Variants in FREM2 observed in about 807,000 individuals in gnomAD.
FREM2 encodes the protein FRAS1-related extracellular matrix protein 2.
FREM2 carries 119 observed loss-of-function variants against 219.9 expected under a neutral mutation model. That is an observed-to-expected ratio of 0.54 (90% CI 0.47 to 0.63). FREM2 has a LOEUF of 0.63. FREM2 is among the 30% of genes least tolerant of loss of function. The pLI, the probability that FREM2 is intolerant of heterozygous loss-of-function variation, is 0.00. For synonymous variants in FREM2, 1,562 were observed against 1,522.8 expected (o/e 1.03, Z -0.60); for missense variants, 4,030 against 3,993.6 (o/e 1.01, Z -0.25).
intron 1 of FREM2, among the ~76,000 whole-genome samples, chr13:38,694,397 C>T (rs1258755952): frequency 6.6e-6 from 1 of 152,126 alleles, no homozygotes; most frequent in Non-Finnish European, 1.5e-5. Context: ...TCAAACAAGT[C>T]AAGGCTAGAC....
chr13:38,759,861 C>T (rs536265537), intron 2 of FREM2, among the ~76,000 whole-genome samples: 2 of 152,144 alleles, frequency 1.3e-5, no homozygotes. Flanking sequence ...GAGGAGTTTA[C>T]GTGATAGGTA....
At position 38,878,729 on chromosome 13, in the gene FREM2, TA is replaced by T. The variant is rs1444129541; in HGVS notation, c.8860-101del. The T allele has an allele frequency of 2.5e-6, 3 of 1,180,172 alleles. No homozygotes were observed. The East Asian group carries it at 7.0e-5, about 28-fold the overall frequency. The allele number at this position is 1,180,172 out of a possible 1,614,324, so 73.1% of individuals were successfully genotyped here. A position where few individuals can be genotyped will look rare whatever the true frequency, so the allele number is the denominator to read the frequency against. On this transcript the variant is annotated intron_variant, in intron 22 of 23. Transcript: ENST00000280481. ...TTTAGTAAACCAAATGGTGACATTT[TA>T]TAGTAATTTGTACTTGCACAAAACA...
chr13:38,787,400 A>G (rs1422800810), intron 6 of FREM2, among the ~76,000 whole-genome samples: 1 of 152,124 alleles, frequency 6.6e-6, no homozygotes, highest in African/African-American at 2.4e-5. Flanking sequence ...AGATTATAAT[A>G]AACTTCTCAC....
At chr13:38,701,912 G>T (rs2138084057) in intron 2 of FREM2, among the ~76,000 whole-genome samples, 1 of 152,192 alleles carries the variant, frequency 6.6e-6, no homozygotes, top group Non-Finnish European at 1.5e-5. Flanking sequence ...ATCAAAAAAG[G>T]TATCATTAAT....
intron 2 of FREM2, among the ~76,000 whole-genome samples, chr13:38,713,656 C>T (rs1447387126): frequency 6.6e-6 from 1 of 152,202 alleles, no homozygotes; most frequent in East Asian, 1.9e-4. Flanking sequence ...GCTTATTTCA[C>T]AAGACAACCT....
chr13:38,813,479 T>TG (rs1875581638), intron 6 of FREM2, among the ~76,000 whole-genome samples: 2 of 10,422 alleles, frequency 1.9e-4, no homozygotes, highest in Non-Finnish European at 4.1e-4. Flanking sequence ...TCTCTCTCTC[T>TG]CTCTCTCTCT....
intron 6 of FREM2, among the ~76,000 whole-genome samples, chr13:38,829,104 T>C (rs1593432730): frequency 6.6e-6 from 1 of 152,146 alleles, no homozygotes; most frequent in East Asian, 1.9e-4. Context: ...GCTGTCATAA[T>C]CCCTAATTTT....
chr13:38,805,032 T>C (rs1391992640), intron 6 of FREM2, among the ~76,000 whole-genome samples: 2 of 152,130 alleles, frequency 1.3e-5, no homozygotes, highest in African/African-American at 4.8e-5. Flanking sequence ...GGCATGTTTT[T>C]TGAGTAACAA....
chr13:38,877,992 C>A (rs1038241817), intron 21 of FREM2, 142 bp from the exon 22 acceptor site: 37 of 736,660 alleles, frequency 5.0e-5, no homozygotes, highest in Admixed American at 1.0e-4. Context: ...GAAGCTCATG[C>A]AAACAGGCCT....
intron 6 of FREM2, among the ~76,000 whole-genome samples, chr13:38,822,323 C>CTTGT (rs1006996574): frequency 2.0e-5 from 3 of 150,414 alleles, no homozygotes; most frequent in African/African-American, 7.3e-5. Context: ...GTCAAAATGC[C>CTTGT]AACAAGGAGC....
chr13:38,784,790 G>T lies in FREM2; in HGVS notation c.6001G>T (p.Val2001Phe). Residue 2001 changes from valine to phenylalanine, a missense_variant, in exon 6 of 24, where the codon GTT becomes TTT. Val to Phe is a conservative substitution (Grantham distance 50). Transcript: ENST00000280481. ...GTTCCCAGGGGCTCAAGTTACAATCGTTCCTGACAAAGATGATGGTGAGTA... is the reference window on the plus strand; with the variant it reads ...GTTCCCAGGGGCTCAAGTTACAATCTTTCCTGACAAAGATGATGGTGAGTA... ...SEFPGAQVTI[V>F]PDKDDEPIFY... 1 of 1,614,114 alleles carries T rather than the reference G, an allele frequency of 6.2e-7. No individual in the cohort carries two copies. Among genetic ancestry groups the T allele is most frequent in the East Asian group, 2.2e-5 (1 of 44,864 alleles).
intron 2 of FREM2, among the ~76,000 whole-genome samples, chr13:38,751,545 C>A (rs970431910): frequency 2.6e-5 from 4 of 152,146 alleles, no homozygotes; most frequent in Non-Finnish European, 4.4e-5. Context: ...TCCACAGACC[C>A]TTGTGCCAAG....
At position 38,886,398 on chromosome 13, in the gene FREM2, A is replaced by T. The variant is rs1416713182; in HGVS notation, c.*5611A>T. The T allele has an allele frequency of 1.3e-5, 1 of 75,312 alleles. No homozygotes were observed. Among genetic ancestry groups the T allele is most frequent in the Non-Finnish European group, 2.5e-5 (1 of 39,334 alleles). The allele number at this position is 75,312 out of a possible 1,614,324, so 4.7% of individuals were successfully genotyped here. On this transcript the variant is annotated 3_prime_UTR_variant, in exon 24 of 24. Transcript: ENST00000280481. The stretch of plus-strand genomic sequence containing the variant: ...TACATATATATATAGAGAGAGAGAG[A>T]TAGATTTTTTTTTTTTGAGACAGAG...
intron 2 of FREM2, among the ~76,000 whole-genome samples, chr13:38,753,973 T>TTTTTATTTTATTTTATTTTA (rs10661426): frequency 0.074 from 10,932 of 148,352 alleles, 490 homozygotes; most frequent in South Asian, 0.15. Flanking sequence ...TTTATTTTAT[T>TTTTTATTTTATTTTATTTTA]TTTTATTTTA....
chr13:38,817,301 C>A (rs1334554644), intron 6 of FREM2, among the ~76,000 whole-genome samples: 1 of 152,080 alleles, frequency 6.6e-6, no homozygotes, highest in African/African-American at 2.4e-5. Flanking sequence ...TACTACCTCA[C>A]TTCAAAATAT....
At chr13:38,762,374 C>T (rs1270794653) in intron 2 of FREM2, among the ~76,000 whole-genome samples, 1 of 152,122 alleles carries the variant, frequency 6.6e-6, no homozygotes, top group Non-Finnish European at 1.5e-5. Flanking sequence ...TAGTAAGTTT[C>T]ATCAGCGCAA....
chr13:38,858,964 G>A (rs78582891), intron 13 of FREM2, among the ~76,000 whole-genome samples: 2,830 of 136,676 alleles, frequency 0.021, 31 homozygotes, highest in South Asian at 0.051. Context: ...CTGGATAAGG[G>A]GGGTAAGATG....
chr13:38,875,431 A>AT (rs1478771633), intron 18 of FREM2, among the ~76,000 whole-genome samples: 2 of 152,180 alleles, frequency 1.3e-5, no homozygotes, highest in East Asian at 1.9e-4. Context: ...GAAAGAAAGA[A>AT]CCCAAAAAAA....
chr13:38,698,996 C>T, intron 2 of FREM2, among the ~76,000 whole-genome samples: 1 of 152,066 alleles, frequency 6.6e-6, no homozygotes, highest in East Asian at 1.9e-4. Flanking sequence ...GGCATCTTAG[C>T]ATAAAACGAA....
Sources: allele counts gnomAD v4.1 joint callset (sites outside exome capture counted in the v4.1 genomes callset), GRCh38; gene constraint gnomAD v4.1.1; transcripts MANE v1.5; gene names NCBI Gene and HGNC (gene_info 2026-07-23, HGNC 2026-07-21).